PCDHA9: variants seen among roughly 807,000 people sequenced by gnomAD.
PCDHA9 encodes protocadherin alpha-9.
In PCDHA9, 62 loss-of-function variants were observed where a neutral mutation model predicts 62.0. The ratio of observed to expected loss-of-function variants is 1.00; its 90% CI spans 0.81 to 1.23. The LOEUF (loss-of-function observed/expected upper bound fraction) is 1.23. Ranked by LOEUF, PCDHA9 falls within the 50% of genes most tolerant of loss-of-function variation. The pLI, the probability that PCDHA9 is intolerant of heterozygous loss-of-function variation, is 0.00. For synonymous variants in PCDHA9, 557 were observed against 567.6 expected (o/e 0.98, Z 0.27); for missense variants, 1,205 against 1,249.8 (o/e 0.96, Z 0.54).
chr5:140,978,444 T>G (rs2096802589), intron 1 of PCDHA9, among the ~76,000 whole-genome samples: 1 of 152,248 alleles, frequency 6.6e-6, no homozygotes, highest in Non-Finnish European at 1.5e-5. Context: ...GTGTTATGAC[T>G]GGGCACATCC....
At chr5:140,869,521 C>T (rs782236624) in intron 1 of PCDHA9, 4 of 1,614,064 alleles carry the variant, frequency 2.5e-6, no homozygotes, top group Non-Finnish European at 2.5e-6. Flanking sequence ...AGAACAAAAG[C>T]TGCTGATTGC....
At chr5:140,996,596 C>G (rs1343501273) in intron 3 of PCDHA9, among the ~76,000 whole-genome samples, 1 of 152,156 alleles carries the variant, frequency 6.6e-6, no homozygotes. Flanking sequence ...CCGCCTCCCC[C>G]CATTTTCATT....
chr5:140,853,436 T>C (rs1442377806), intron 1 of PCDHA9: 3 of 984,616 alleles, frequency 3.0e-6, no homozygotes, highest in African/African-American at 3.5e-5. Flanking sequence ...CACTTTCCTA[T>C]TTTGCCTAAT....
chr5:140,904,926 A>G (rs1459530811), intron 1 of PCDHA9, among the ~76,000 whole-genome samples: 1 of 152,130 alleles, frequency 6.6e-6, no homozygotes, highest in Admixed American at 6.5e-5. Context: ...ACTTCCTTGT[A>G]GGTTCTGGAT....
chr5:140,910,022 C>G (rs2074840302), intron 1 of PCDHA9, among the ~76,000 whole-genome samples: 1 of 152,174 alleles, frequency 6.6e-6, no homozygotes, highest in South Asian at 2.1e-4. Context: ...CCTTGTATCC[C>G]TGGGATAAAT....
At position 140,915,662 on chromosome 5, in the gene PCDHA9, G is replaced by T. The variant is rs75670796; in HGVS notation, c.2395-63287G>T. On this transcript the variant is annotated intron_variant, in intron 1 of 3. Transcript: ENST00000532602. ...TCTCTCTCTCTCTCTCTCTCAAGGT[G>T]CTGGGCCATCTTGAACTAGGGGTAT... is the stretch of plus-strand genomic sequence containing the variant. 8.2e-3 allele frequency among the ~76,000 whole-genome samples: 1,195 copies of T among 145,332 alleles called. 7 individuals are homozygous for T. Among genetic ancestry groups the T allele is most frequent in the African/African-American group, 0.02 (782 of 39,430 alleles).
chr5:140,913,821 A>G (rs2153527973), intron 1 of PCDHA9, among the ~76,000 whole-genome samples: 1 of 152,122 alleles, frequency 6.6e-6, no homozygotes, highest in East Asian at 1.9e-4. Context: ...TTCCTTTTAA[A>G]TTTCTTTATT....
At chr5:140,866,739 C>T (rs1198771092) in intron 1 of PCDHA9, 5 of 152,124 alleles carry the variant, frequency 3.3e-5, no homozygotes, top group African/African-American at 4.8e-5. Context: ...CACTCTAATA[C>T]TTATATGACT....
chr5:140,955,889 G>A (rs246016), intron 1 of PCDHA9, among the ~76,000 whole-genome samples: 85,633 of 151,918 alleles, frequency 0.56, 24,754 homozygotes, highest in African/African-American at 0.69. Flanking sequence ...ATTCCTAGGT[G>A]TTTTATTCTC....
chr5:141,000,395 C>CTCTA (rs1213762225), intron 3 of PCDHA9, among the ~76,000 whole-genome samples: 16 of 53,972 alleles, frequency 3.0e-4, no homozygotes, highest in East Asian at 6.1e-4. Context: ...CTCTCTCTCT[C>CTCTA]TATATATATA....
intron 1 of PCDHA9, among the ~76,000 whole-genome samples, chr5:140,914,765 T>A (rs2076829694): frequency 6.6e-6 from 1 of 152,080 alleles, no homozygotes. Flanking sequence ...TTACATGAGG[T>A]TTATGACTTA....
chr5:140,985,606 C>A (rs1008038466), intron 3 of PCDHA9, among the ~76,000 whole-genome samples: 1 of 152,300 alleles, frequency 6.6e-6, no homozygotes, highest in South Asian at 2.1e-4. Context: ...AGAGCCCTTT[C>A]CGTGAACCAG....
At chr5:140,884,585 A>C in intron 1 of PCDHA9, 2 of 1,614,190 alleles carry the variant, frequency 1.2e-6, no homozygotes, top group Non-Finnish European at 1.7e-6. Context: ...CATGGCCTTC[A>C]GTCCCAGCCT....
chr5:140,858,881 T>A (rs1466953448), intron 1 of PCDHA9: 7 of 242,834 alleles, frequency 2.9e-5, no homozygotes, highest in Non-Finnish European at 5.6e-5. Flanking sequence ...TTTTCCTCCA[T>A]GTGTAGAATA....
At chr5:140,954,297 C>T (rs1369831854) in intron 1 of PCDHA9, among the ~76,000 whole-genome samples, 2 of 152,180 alleles carry the variant, frequency 1.3e-5, no homozygotes, top group African/African-American at 4.8e-5. Flanking sequence ...TGGGTACATA[C>T]CCAGTAATGG....
rs1444177179 is a variant in PCDHA9 at position 140,984,821 on chromosome 5, T to C, written c.2542+2258T>C. On this transcript the variant is annotated intron_variant, in intron 3 of 3. Transcript: ENST00000532602. ...CTGCCTGAATTCATATTTTCTTAAT[T>C]ACCCTTTCTGTAAATTGGGTGTAGT... Among the ~76,000 whole-genome samples, 4 of 152,192 alleles carry C rather than the reference T, an allele frequency of 2.6e-5. No individual in the cohort carries two copies. In the East Asian group the frequency reaches 7.7e-4, roughly 29 times the overall value.
intron 1 of PCDHA9, among the ~76,000 whole-genome samples, chr5:140,891,030 T>G (rs1583035754): frequency 6.6e-6 from 1 of 151,856 alleles, no homozygotes; most frequent in Non-Finnish European, 1.5e-5. Context: ...GGGTATAATC[T>G]TAGGTGTGAC....
intron 1 of PCDHA9, among the ~76,000 whole-genome samples, chr5:140,855,303 A>C (rs1045706471): frequency 6.7e-6 from 1 of 149,854 alleles, no homozygotes; most frequent in Admixed American, 6.7e-5. Context: ...CAAAGTTATA[A>C]AATTGGAACA....
At chr5:140,857,717 G>C (rs782771327) in intron 1 of PCDHA9, 1 of 1,597,518 alleles carries the variant, frequency 6.3e-7, no homozygotes, top group African/African-American at 1.3e-5. Flanking sequence ...CGTGCTGGAC[G>C]AGAACGACAA....
Sources: allele counts gnomAD v4.1 joint callset (sites outside exome capture counted in the v4.1 genomes callset), GRCh38; gene constraint gnomAD v4.1.1; transcripts MANE v1.5; gene names NCBI Gene and HGNC (gene_info 2026-07-23, HGNC 2026-07-21).